Variants in CDK6 observed in about 807,000 individuals in gnomAD.
CDK6 encodes cyclin-dependent kinase 6.
Under a neutral mutation model 37.1 loss-of-function variants are expected in CDK6, and 6 were observed. The observed-to-expected ratio is 0.16, with a 90% CI of 0.09 to 0.32. CDK6 has a LOEUF of 0.32. Ranked by LOEUF, CDK6 falls within the 10% of genes least tolerant of loss-of-function variation. CDK6 has a pLI of 1.00. For missense variants in CDK6, 224 were observed against 418.9 expected, an observed-to-expected ratio of 0.53 and a Z score of 4.06; for synonymous variants, 160 against 161.3, an observed-to-expected ratio of 0.99 and a Z score of 0.06.
intron 3 of CDK6, among the ~76,000 whole-genome samples, chr7:92,741,588 T>C (rs1798927006): frequency 6.6e-6 from 1 of 152,156 alleles, no homozygotes; most frequent in African/African-American, 2.4e-5. Context: ...GGGTGATTTT[T>C]ACTTTTTGGA....
In CDK6 at chr7:92,606,409, A is replaced by T. The variant is rs1795428872; in HGVS notation, c.*8731T>A. 4.3e-6 allele frequency: 1 copy of T among 233,242 alleles called. No individual in the cohort carries two copies. The highest frequency in any genetic ancestry group is 1.8e-4 in the South Asian group (1 of 5,536). 14.4% of individuals were successfully genotyped at this position (233,242 alleles called of 1,614,324 possible). A position where few individuals can be genotyped will look rare whatever the true frequency, so the allele number is the denominator to read the frequency against. On this transcript the variant is annotated 3_prime_UTR_variant, in exon 8 of 8. Coordinates refer to ENST00000424848, the MANE Select transcript of CDK6 (RefSeq NM_001145306.2). ...TAGACAGGCACACCTGTGGTCCATGATGTGGAGGAAGATGGAGAGCACCAT... is the reference window on the plus strand; with the variant it reads ...TAGACAGGCACACCTGTGGTCCATGTTGTGGAGGAAGATGGAGAGCACCAT...
rs1482111148 is a variant in CDK6, at chr7:92,836,458, C to T, written c.-368+20G>A. ...ACCCCCCACCCCGCAGCCCACCCAC[C>T]CGAGCGCACAGCTCCTCACCTGAGG... is the stretch of plus-strand genomic sequence containing the variant. On this transcript the variant is annotated intron_variant, in intron 1 of 7. Coordinates refer to ENST00000424848, the MANE Select transcript of CDK6 (RefSeq NM_001145306.2). The T allele has an allele frequency of 1.3e-5, 2 of 151,790 alleles. No homozygotes were observed. The highest frequency in any genetic ancestry group is 2.4e-5 in the African/African-American group (1 of 41,340). 9.4% of individuals were successfully genotyped at this position (151,790 alleles called of 1,614,324 possible).
chr7:92,709,778 A>AATC, intron 4 of CDK6, among the ~76,000 whole-genome samples: 1 of 152,148 alleles, frequency 6.6e-6, no homozygotes, highest in African/African-American at 2.4e-5. Context: ...TTTGCCTGAG[A>AATC]AGAATGTTAC....
At chr7:92,651,502 C>A (rs1406102259) in intron 5 of CDK6, among the ~76,000 whole-genome samples, 1 of 152,076 alleles carries the variant, frequency 6.6e-6, no homozygotes. Flanking sequence ...TAAATTTTAC[C>A]CATTTCCAGA....
At chr7:92,685,749 A>C (rs928052607) in intron 4 of CDK6, among the ~76,000 whole-genome samples, 6 of 152,214 alleles carry the variant, frequency 3.9e-5, no homozygotes, top group African/African-American at 1.4e-4. Flanking sequence ...TAATTTCCCA[A>C]ACAGGCCAGT....
At chr7:92,714,016 G>T (rs1375964929) in intron 4 of CDK6, among the ~76,000 whole-genome samples, 2 of 152,102 alleles carry the variant, frequency 1.3e-5, no homozygotes, top group Non-Finnish European at 2.9e-5. Context: ...AACACTCACT[G>T]AGCAGCTACC....
chr7:92,751,634 T>G (rs1799190396), intron 3 of CDK6, among the ~76,000 whole-genome samples: 1 of 152,216 alleles, frequency 6.6e-6, no homozygotes. Context: ...GCACACAGTA[T>G]GTATTCCTCA....
At chr7:92,616,764 C>A (rs756558382) in intron 7 of CDK6, among the ~76,000 whole-genome samples, 2 of 152,116 alleles carry the variant, frequency 1.3e-5, no homozygotes, top group Non-Finnish European at 2.9e-5. Context: ...TGAGAGGAAG[C>A]CCTTTCCTCA....
Position 92,834,533 on chromosome 7 carries a change from A to C in CDK6, c.-367-843T>G. ...AGACACCGTCCCCCACGGGATCCCAAGGGTGGGAGAAAGGGGTGTTCGCCA... is the reference window on the plus strand; with the variant it reads ...AGACACCGTCCCCCACGGGATCCCACGGGTGGGAGAAAGGGGTGTTCGCCA... On this transcript the variant is annotated intron_variant, in intron 1 of 7. Coordinates refer to ENST00000424848, the MANE Select transcript of CDK6 (RefSeq NM_001145306.2). The surrounding 1 kb of genome is among the most constrained non-coding windows in gnomAD (Gnocchi z 4.6). Among the ~76,000 whole-genome samples the C allele has an allele frequency of 6.6e-6, 1 of 151,738 alleles. No homozygotes were observed. Among genetic ancestry groups the C allele is most frequent in the East Asian group, 1.9e-4 (1 of 5,152 alleles).
intron 4 of CDK6, among the ~76,000 whole-genome samples, chr7:92,684,632 T>G (rs764623523): frequency 6.6e-6 from 1 of 152,222 alleles, no homozygotes; most frequent in Non-Finnish European, 1.5e-5. Context: ...ATTCTATCTC[T>G]GCAAATGAGA....
chr7:92,628,666 C>T (rs1795984075), intron 5 of CDK6, among the ~76,000 whole-genome samples: 1 of 152,042 alleles, frequency 6.6e-6, no homozygotes, highest in South Asian at 2.1e-4. Flanking sequence ...TGCAGAGGTA[C>T]ATATATACGA....
intron 4 of CDK6, among the ~76,000 whole-genome samples, chr7:92,681,650 A>G (rs150969484): frequency 6.6e-6 from 1 of 152,352 alleles, no homozygotes; most frequent in East Asian, 1.9e-4. Flanking sequence ...CTGAAGTACA[A>G]CTGGGTTGGA....
At chr7:92,822,379 C>A (rs566370268) in intron 2 of CDK6, among the ~76,000 whole-genome samples, 1 of 152,072 alleles carries the variant, frequency 6.6e-6, no homozygotes, top group Non-Finnish European at 1.5e-5. Flanking sequence ...CTATTAGAGA[C>A]TACATAATTT....
chr7:92,726,071 C>G (rs1156253161), intron 3 of CDK6, among the ~76,000 whole-genome samples: 2 of 152,134 alleles, frequency 1.3e-5, no homozygotes, highest in African/African-American at 2.4e-5. Flanking sequence ...GGAAGGATAT[C>G]TGCCAAACTG....
chr7:92,757,220 G>C (rs1799338685), intron 3 of CDK6, among the ~76,000 whole-genome samples: 1 of 152,138 alleles, frequency 6.6e-6, no homozygotes, highest in Non-Finnish European at 1.5e-5. Context: ...TTGTGTCACA[G>C]GAGTCTGTTG....
intron 5 of CDK6, among the ~76,000 whole-genome samples, chr7:92,645,750 T>G (rs2116545695): frequency 6.6e-6 from 1 of 152,350 alleles, no homozygotes; most frequent in Middle Eastern, 3.4e-3. Flanking sequence ...TCACTTCCCT[T>G]TCATCTTTGG....
chr7:92,800,409 C>G (rs1487497268), intron 2 of CDK6, among the ~76,000 whole-genome samples: 1 of 152,150 alleles, frequency 6.6e-6, no homozygotes, highest in Non-Finnish European at 1.5e-5. Flanking sequence ...TTGTTTGGAG[C>G]CTCATTTTCT....
chr7:92,694,832 T>C (rs904680006), intron 4 of CDK6, among the ~76,000 whole-genome samples: 5 of 152,110 alleles, frequency 3.3e-5, no homozygotes, highest in African/African-American at 1.2e-4. Flanking sequence ...ATTATATATA[T>C]ATAAAAAGAC....
chr7:92,820,042 C>A (rs1165272184), intron 2 of CDK6, among the ~76,000 whole-genome samples: 5 of 151,728 alleles, frequency 3.3e-5, no homozygotes, highest in African/African-American at 1.2e-4. Context: ...GAATGCCCAG[C>A]AAATTAAATG....
Sources: gnomAD v4.1 joint callset for allele counts (sites outside exome capture counted in the v4.1 genomes callset) on GRCh38, gnomAD v4.1.1 for gene constraint, Gnocchi (gnomAD v3.1) non-coding constraint, MANE v1.5 for transcripts, NCBI Gene and HGNC (gene_info 2026-07-23, HGNC 2026-07-21) for gene names.